Variants in PLCH1 observed in about 807,000 individuals in gnomAD.
PLCH1 encodes the protein 1-phosphatidylinositol 4,5-bisphosphate phosphodiesterase eta-1.
A neutral mutation model predicts 126.7 loss-of-function variants in PLCH1; 60 were observed. The observed-to-expected ratio is 0.47, with a 90% CI of 0.38 to 0.59. The LOEUF (loss-of-function observed/expected upper bound fraction) is 0.59, where lower values mean the gene tolerates loss of function less well. Among genes scored for constraint, PLCH1 ranks in the 20% least tolerant of loss-of-function variants. The pLI, the probability that PLCH1 is intolerant of heterozygous loss-of-function variation, is 0.00. For synonymous variants in PLCH1, 719 were observed against 734.9 expected (o/e 0.98, Z 0.35); for missense variants, 1,723 against 2,040.0 (o/e 0.84, Z 2.99).
At chr3:155,717,570 T>C (rs995240010) in intron 1 of PLCH1, among the ~76,000 whole-genome samples, 2 of 152,244 alleles carry the variant, frequency 1.3e-5, no homozygotes, top group African/African-American at 4.8e-5. Context: ...CCAAAGCTTA[T>C]GGCTTGAAAT....
chr3:155,535,640 G>A (rs1297475192), intron 10 of PLCH1, among the ~76,000 whole-genome samples: 1 of 152,214 alleles, frequency 6.6e-6, no homozygotes, highest in Non-Finnish European at 1.5e-5. Flanking sequence ...TGCTCAAGAA[G>A]AGTCTGAGCT....
At chr3:155,665,909 G>A (rs539078791) in intron 2 of PLCH1, among the ~76,000 whole-genome samples, 4 of 152,130 alleles carry the variant, frequency 2.6e-5, no homozygotes, top group South Asian at 2.1e-4. Context: ...GATATGTTTA[G>A]GCATGAAGAA....
At chr3:155,664,048 G>C (rs1365592622) in intron 2 of PLCH1, among the ~76,000 whole-genome samples, 1 of 152,130 alleles carries the variant, frequency 6.6e-6, no homozygotes, top group African/African-American at 2.4e-5. Context: ...GCTAACCGAT[G>C]AGTTGAATAG....
At chr3:155,713,991 T>C (rs1747335215) in intron 1 of PLCH1, among the ~76,000 whole-genome samples, 1 of 152,224 alleles carries the variant, frequency 6.6e-6, no homozygotes, top group Non-Finnish European at 1.5e-5. Context: ...GCTCATTTCC[T>C]TCTTCTTAAG....
intron 14 of PLCH1, among the ~76,000 whole-genome samples, chr3:155,498,934 C>T (rs956266259): frequency 6.6e-6 from 1 of 152,104 alleles, no homozygotes; most frequent in Non-Finnish European, 1.5e-5. Flanking sequence ...AAACAACTAC[C>T]AAAAACAAAC....
At chr3:155,543,915 T>G (rs1576966601) in intron 10 of PLCH1, among the ~76,000 whole-genome samples, 1 of 152,136 alleles carries the variant, frequency 6.6e-6, no homozygotes, top group East Asian at 1.9e-4. Context: ...GAACAACCAG[T>G]ACCAGCCACT....
At chr3:155,469,932 T>C (rs374539648) in intron 21 of PLCH1, among the ~76,000 whole-genome samples, 75 of 152,152 alleles carry the variant, frequency 4.9e-4, no homozygotes, top group Middle Eastern at 3.4e-3. Flanking sequence ...CTGTACATCA[T>C]CATCATCAAA....
At chr3:155,580,892 T>G (rs1730579069) in intron 6 of PLCH1, among the ~76,000 whole-genome samples, 1 of 152,158 alleles carries the variant, frequency 6.6e-6, no homozygotes, top group Non-Finnish European at 1.5e-5. Flanking sequence ...CAAAAAAAGG[T>G]CTTTATTTTG....
intron 22 of PLCH1, among the ~76,000 whole-genome samples, chr3:155,483,659 T>C (rs946620473): frequency 3.3e-5 from 5 of 152,196 alleles, no homozygotes; most frequent in African/African-American, 7.2e-5. Flanking sequence ...TGGTCATCAA[T>C]TCCATGTCAT....
At chr3:155,677,777 A>G (rs73007059) in intron 2 of PLCH1, among the ~76,000 whole-genome samples, 7,271 of 152,236 alleles carry the variant, frequency 0.048, 458 homozygotes, top group African/African-American at 0.14. Context: ...AGTGGACTTC[A>G]TTGCTTAATC....
chr3:155,523,135 C>T lies in PLCH1; in HGVS notation c.1470+762G>A, dbSNP rs971339671. On this transcript the variant is annotated intron_variant, in intron 11 of 22. Transcript: ENST00000460012. Reference sequence around the variant, plus strand: ...GACTACAGGCGCCCACCACCACGCCCGGCTAATTTTTTTTGTATTTTTAGT... The same window carrying T: ...GACTACAGGCGCCCACCACCACGCCTGGCTAATTTTTTTTGTATTTTTAGT... Among the ~76,000 whole-genome samples, 7 of 151,700 alleles carry T rather than the reference C, an allele frequency of 4.6e-5. No homozygotes were observed. In the South Asian group the frequency reaches 1.0e-3, roughly 23 times the overall value.
At chr3:155,483,836 A>T (rs1458196547) in intron 22 of PLCH1, among the ~76,000 whole-genome samples, 1 of 152,196 alleles carries the variant, frequency 6.6e-6, no homozygotes, top group Admixed American at 6.5e-5. Flanking sequence ...GTATACTGCT[A>T]GGAGAGTATG....
intron 2 of PLCH1, among the ~76,000 whole-genome samples, chr3:155,605,773 T>C (rs1335662862): frequency 6.6e-6 from 1 of 152,214 alleles, no homozygotes; most frequent in African/African-American, 2.4e-5. Flanking sequence ...TGCCATTTAT[T>C]GATTTTTTTT....
rs78374712 is a variant in PLCH1 at position 155,672,535 on chromosome 3, A to G, written c.79+31611T>C. 3.5e-3 allele frequency among the ~76,000 whole-genome samples: 527 copies of G among 152,300 alleles called. 8 individuals are homozygous for G. Among genetic ancestry groups the G allele is most frequent in the African/African-American group, 0.011 (468 of 41,566 alleles). ...TTATGCAAGCAATATGACAACATTC[A>G]AACCAAATTCCTACAACCTAGGAAA... On this transcript the variant is annotated intron_variant, in intron 2 of 22. Transcript: ENST00000460012.
At chr3:155,604,132 C>A (rs967479535) in intron 2 of PLCH1, among the ~76,000 whole-genome samples, 3 of 151,848 alleles carry the variant, frequency 2.0e-5, no homozygotes, top group Admixed American at 6.6e-5. Context: ...TAAGTGAAGC[C>A]ATTATCTGTG....
At chr3:155,723,516 A>T (rs1748105470) in intron 1 of PLCH1, among the ~76,000 whole-genome samples, 1 of 151,524 alleles carries the variant, frequency 6.6e-6, no homozygotes, top group Non-Finnish European at 1.5e-5. Context: ...TTGAGGTGTG[A>T]CCTTAGATTG....
intron 1 of PLCH1, among the ~76,000 whole-genome samples, chr3:155,735,221 C>T (rs1198044591): frequency 6.6e-6 from 1 of 151,796 alleles, no homozygotes. Flanking sequence ...GACTGGGTGG[C>T]GGGTGGGGAA....
Position 155,585,001 on chromosome 3 carries a change from A to G in PLCH1, c.600+1064T>C, listed in dbSNP as rs116228218. Among the ~76,000 whole-genome samples, 1,312 of 152,304 alleles carry G rather than the reference A, an allele frequency of 8.6e-3. 13 individuals carry two copies. The highest frequency in any genetic ancestry group is 0.03 in the African/African-American group (1,254 of 41,554). Reference sequence around the variant, plus strand: ...CCAGAAACATGGCAAACCTTCCCATATGTTTAAAGATAATTCATTTGCCCT... The same window carrying G: ...CCAGAAACATGGCAAACCTTCCCATGTGTTTAAAGATAATTCATTTGCCCT... On this transcript the variant is annotated intron_variant, in intron 5 of 22. Transcript: ENST00000460012.
At chr3:155,569,676 T>G (rs543040622) in intron 6 of PLCH1, among the ~76,000 whole-genome samples, 4 of 152,162 alleles carry the variant, frequency 2.6e-5, no homozygotes, top group Non-Finnish European at 4.4e-5. Context: ...AGTCTAAAGA[T>G]AAATAATTTT....
Sources: allele counts gnomAD v4.1 joint callset (sites outside exome capture counted in the v4.1 genomes callset), GRCh38; gene constraint gnomAD v4.1.1; transcripts MANE v1.5; gene names NCBI Gene and HGNC (gene_info 2026-07-23, HGNC 2026-07-21).